The following ALCAM variants were observed in gnomAD, a reference collection of about 807,000 sequenced individuals.
ALCAM encodes the protein CD166 antigen.
Under a neutral mutation model 70.9 loss-of-function variants are expected in ALCAM, and 30 were observed. The ratio of observed to expected loss-of-function variants is 0.42; its 90% CI spans 0.32 to 0.57. The LOEUF (loss-of-function observed/expected upper bound fraction) is 0.57. Ranked by LOEUF, ALCAM falls within the 20% of genes least tolerant of loss-of-function variation. The pLI, the probability that ALCAM is intolerant of heterozygous loss-of-function variation, is 0.11. For synonymous variants in ALCAM, 249 were observed against 242.5 expected (o/e 1.03, Z -0.25); for missense variants, 591 against 695.1 (o/e 0.85, Z 1.68).
In ALCAM at chr3:105,512,440, A is replaced by G. The variant is rs544391360; in HGVS notation, c.74-7627A>G. On this transcript the variant is annotated intron_variant, in intron 1 of 15. Transcript: ENST00000306107. ...ATAATTTCAATACAACTTATGTGGTAAAATGCACAGGAAAGTGTAATTTTT... is the reference window on the plus strand; with the variant it reads ...ATAATTTCAATACAACTTATGTGGTGAAATGCACAGGAAAGTGTAATTTTT... Among the ~76,000 whole-genome samples, 4 of 152,044 alleles carry G rather than the reference A, an allele frequency of 2.6e-5. No homozygotes were observed. The South Asian group carries it at 8.3e-4, about 31-fold the overall frequency.
At chr3:105,418,137 A>C (rs1936553764) in intron 1 of ALCAM, among the ~76,000 whole-genome samples, 1 of 151,800 alleles carries the variant, frequency 6.6e-6, no homozygotes, top group Admixed American at 6.6e-5. Flanking sequence ...CTTTCTTACA[A>C]AGGCCTTTAA....
chr3:105,429,242 A>G (rs1936868045), intron 1 of ALCAM, among the ~76,000 whole-genome samples: 1 of 152,006 alleles, frequency 6.6e-6, no homozygotes, highest in South Asian at 2.1e-4. Context: ...CCCAAAGCAA[A>G]TACACTGGAG....
intron 1 of ALCAM, among the ~76,000 whole-genome samples, chr3:105,393,102 G>A (rs980384614): frequency 1.2e-4 from 18 of 151,510 alleles, no homozygotes; most frequent in African/African-American, 2.4e-4. Context: ...TCTTTTCCCC[G>A]TTAGGCTTGC....
chr3:105,389,312 C>T (rs1225918457), intron 1 of ALCAM, among the ~76,000 whole-genome samples: 2 of 144,478 alleles, frequency 1.4e-5, no homozygotes, highest in Non-Finnish European at 3.0e-5. Context: ...TTGCTTAAAA[C>T]GGAATGTGTT....
chr3:105,445,037 A>C (rs907448232), intron 1 of ALCAM, among the ~76,000 whole-genome samples: 1 of 152,216 alleles, frequency 6.6e-6, no homozygotes, highest in Non-Finnish European at 1.5e-5. Flanking sequence ...CTTAGTCTAT[A>C]CGATATAATC....
intron 1 of ALCAM, among the ~76,000 whole-genome samples, chr3:105,460,779 T>A (rs1937591381): frequency 6.6e-6 from 1 of 151,974 alleles, no homozygotes; most frequent in Admixed American, 6.6e-5. Context: ...GCTTTTCAAT[T>A]TTTAATTACC....
intron 8 of ALCAM, among the ~76,000 whole-genome samples, chr3:105,542,405 G>T (rs1940143309): frequency 6.6e-6 from 1 of 151,698 alleles, no homozygotes; most frequent in Non-Finnish European, 1.5e-5. Context: ...GTAAATACCA[G>T]ACATTTAACT....
rs903218786 is a variant in ALCAM, at chr3:105,442,869, C to G, written c.73+75388C>G. 2.0e-5 allele frequency among the ~76,000 whole-genome samples: 3 copies of G among 152,284 alleles called. No individual in the cohort carries two copies. In the East Asian group the frequency reaches 5.8e-4, roughly 29 times the overall value. On this transcript the variant is annotated intron_variant, in intron 1 of 15. Transcript: ENST00000306107. ...ATACTTTTTAAGATAAGGTCTCCTTCTGTTGCGCATGGTGAAGTATAGTGA... is the reference window on the plus strand; with the variant it reads ...ATACTTTTTAAGATAAGGTCTCCTTGTGTTGCGCATGGTGAAGTATAGTGA...
At chr3:105,508,947 C>T (rs892357916) in intron 1 of ALCAM, among the ~76,000 whole-genome samples, 5 of 152,066 alleles carry the variant, frequency 3.3e-5, no homozygotes, top group Admixed American at 3.3e-4. Flanking sequence ...TTCTAGATTC[C>T]ACATATAAGT....
At chr3:105,534,067 A>G (rs1394275299) in intron 5 of ALCAM, among the ~76,000 whole-genome samples, 2 of 152,082 alleles carry the variant, frequency 1.3e-5, no homozygotes, top group Non-Finnish European at 2.9e-5. Flanking sequence ...TGCAACCTAG[A>G]TCCCTCATAT....
intron 1 of ALCAM, among the ~76,000 whole-genome samples, chr3:105,430,914 C>T (rs1936913906): frequency 6.6e-6 from 1 of 152,032 alleles, no homozygotes. Context: ...TAGTCCATTA[C>T]TACTCTATTT....
chr3:105,416,149 A>C (rs1386193651), intron 1 of ALCAM, among the ~76,000 whole-genome samples: 1 of 152,048 alleles, frequency 6.6e-6, no homozygotes, highest in Non-Finnish European at 1.5e-5. Context: ...CTTTCTCTTA[A>C]GGATAAGGAT....
chr3:105,480,298 C>T (rs1268240022), intron 1 of ALCAM, among the ~76,000 whole-genome samples: 3 of 151,702 alleles, frequency 2.0e-5, no homozygotes, highest in African/African-American at 4.8e-5. Flanking sequence ...TGCAGTAAGC[C>T]GAGATCACGC....
At chr3:105,514,011 C>T (rs1939313505) in intron 1 of ALCAM, among the ~76,000 whole-genome samples, 2 of 151,874 alleles carry the variant, frequency 1.3e-5, no homozygotes, top group Admixed American at 6.6e-5. Context: ...CCTATCTTCC[C>T]ATCTATAGAA....
intron 4 of ALCAM, among the ~76,000 whole-genome samples, chr3:105,532,613 A>G (rs896663004): frequency 3.9e-5 from 6 of 152,020 alleles, no homozygotes; most frequent in African/African-American, 1.4e-4. Context: ...TGTGTAGAAA[A>G]AATATATAGA....
At chr3:105,566,910 A>G (rs879586987) in intron 14 of ALCAM, among the ~76,000 whole-genome samples, 2 of 152,104 alleles carry the variant, frequency 1.3e-5, no homozygotes, top group Non-Finnish European at 2.9e-5. Flanking sequence ...CCTTCGAAGA[A>G]CTTCCTTTAA....
At chr3:105,479,503 A>G (rs1034687259) in intron 1 of ALCAM, among the ~76,000 whole-genome samples, 1 of 152,204 alleles carries the variant, frequency 6.6e-6, no homozygotes. Flanking sequence ...AAATGCTTGG[A>G]GCACAGCAGA....
At chr3:105,498,098 G>A (rs557949800) in intron 1 of ALCAM, among the ~76,000 whole-genome samples, 5 of 151,968 alleles carry the variant, frequency 3.3e-5, no homozygotes, top group African/African-American at 1.2e-4. Context: ...CCAGGTTACT[G>A]ATATCGTACA....
chr3:105,367,506 C>A (rs1372096299), intron 1 of ALCAM, 25 bp downstream of exon 1: 2 of 1,613,446 alleles, frequency 1.2e-6, no homozygotes, highest in South Asian at 1.1e-5. Flanking sequence ...GGGAGCAGCC[C>A]CAGACAGACG....
Sources: gnomAD v4.1 joint callset for allele counts (sites outside exome capture counted in the v4.1 genomes callset) on GRCh38, gnomAD v4.1.1 for gene constraint, MANE v1.5 for transcripts, NCBI Gene and HGNC (gene_info 2026-07-23, HGNC 2026-07-21) for gene names.